The following RAPGEF5 variants were observed in gnomAD, a reference collection of about 807,000 sequenced individuals.
The protein encoded by RAPGEF5 is M-Ras-regulated GEF.
In RAPGEF5, 65 loss-of-function variants were observed where a neutral mutation model predicts 125.2. The ratio of observed to expected loss-of-function variants is 0.52; its 90% CI spans 0.43 to 0.64. The LOEUF (loss-of-function observed/expected upper bound fraction) is 0.64. RAPGEF5 is among the 30% of genes least tolerant of loss of function. The pLI, the probability that RAPGEF5 is intolerant of heterozygous loss-of-function variation, is 0.00. For missense variants in RAPGEF5, 958 were observed against 1,048.1 expected (o/e 0.91, Z 1.19); for synonymous variants, 391 against 385.9 (o/e 1.01, Z -0.16).
chr7:22,248,311 T>A (rs998756128), intron 7 of RAPGEF5, among the ~76,000 whole-genome samples: 7 of 152,202 alleles, frequency 4.6e-5, no homozygotes, highest in Admixed American at 4.6e-4. Context: ...GGAGGCCTGT[T>A]ATAAACAAAA....
intron 5 of RAPGEF5, among the ~76,000 whole-genome samples, chr7:22,300,286 C>T (rs1422027388): frequency 6.6e-6 from 1 of 152,164 alleles, no homozygotes; most frequent in African/African-American, 2.4e-5. Flanking sequence ...TCTAAAACTA[C>T]ATTTGGTTCT....
intron 9 of RAPGEF5, among the ~76,000 whole-genome samples, chr7:22,201,998 C>T (rs79578395): frequency 6.6e-6 from 1 of 152,244 alleles, no homozygotes; most frequent in Non-Finnish European, 1.5e-5. Flanking sequence ...AGTGGACAGA[C>T]ACTGTAAATC....
intron 7 of RAPGEF5, among the ~76,000 whole-genome samples, chr7:22,261,734 GAACA>G (rs1384658951): frequency 6.6e-6 from 1 of 152,116 alleles, no homozygotes; most frequent in African/African-American, 2.4e-5. Context: ...CAATGGAACA[GAACA>G]AAGAACTCAG....
rs183004742 is a variant in RAPGEF5, at chr7:22,175,978, C to T, written c.1205-8830G>A. 2.6e-5 allele frequency among the ~76,000 whole-genome samples: 4 copies of T among 151,876 alleles called. No individual in the cohort carries two copies. The East Asian group carries it at 5.8e-4, about 22-fold the overall frequency. On this transcript the variant is annotated intron_variant, in intron 11 of 25. Transcript: ENST00000665637. ...TTTACTTTTTTTTCATGTATTAGTA[C>T]GTTCTCATGCTGCTAATAAAGACGT...
intron 1 of RAPGEF5, among the ~76,000 whole-genome samples, chr7:22,323,670 T>C (rs1387376912): frequency 2.0e-5 from 3 of 152,208 alleles, no homozygotes; most frequent in Admixed American, 1.3e-4. Context: ...CATCCAGTCA[T>C]ACCTGGACTC....
intron 11 of RAPGEF5, among the ~76,000 whole-genome samples, chr7:22,182,685 G>C (rs986639768): frequency 1.3e-5 from 2 of 152,006 alleles, no homozygotes; most frequent in Non-Finnish European, 2.9e-5. Context: ...TAACTGAACT[G>C]GGAAATGATG....
intron 21 of RAPGEF5, among the ~76,000 whole-genome samples, chr7:22,138,721 T>C (rs1554316183): frequency 6.6e-6 from 1 of 152,266 alleles, no homozygotes; most frequent in Non-Finnish European, 1.5e-5. Context: ...CTGTCTGCTA[T>C]GGCACTGATG....
intron 25 of RAPGEF5, among the ~76,000 whole-genome samples, chr7:22,123,660 G>C (rs895204476): frequency 6.6e-6 from 1 of 152,144 alleles, no homozygotes; most frequent in African/African-American, 2.4e-5. Context: ...TAGAAACAAG[G>C]CTTCCTGGTT....
chr7:22,224,839 T>C (rs894551218), intron 8 of RAPGEF5, among the ~76,000 whole-genome samples: 3 of 151,002 alleles, frequency 2.0e-5, no homozygotes, highest in African/African-American at 4.8e-5. Context: ...GGTTTTCTTT[T>C]TTTTTTTTTT....
chr7:22,350,553 A>G (rs1480422439), intron 1 of RAPGEF5, among the ~76,000 whole-genome samples: 2 of 152,222 alleles, frequency 1.3e-5, no homozygotes, highest in Non-Finnish European at 2.9e-5. Context: ...TTACAGAGGA[A>G]GACACTGAGG....
chr7:22,154,564 A>G lies in RAPGEF5; in HGVS notation c.1677T>C (p.Ser559=). Residue 559 remains serine (S), a synonymous_variant, in exon 17 of 26, where the codon AGT becomes AGC. Transcript: ENST00000665637. Reference sequence around the variant, plus strand: ...CTATACTGGAAACTTTTGCCTTCACACTGACATAGGAGTGCTCTGTTATAT... The same window carrying G: ...CTATACTGGAAACTTTTGCCTTCACGCTGACATAGGAGTGCTCTGTTATAT... ...HVYITEHSYV[S]VKAKVSSIAQ... 1.9e-6 allele frequency: 3 copies of G among 1,613,894 alleles called. No homozygotes were observed. The highest frequency in any genetic ancestry group is 8.5e-7 in the Non-Finnish European group (1 of 1,179,804).
At chr7:22,151,299 C>A (rs1783617800) in intron 17 of RAPGEF5, among the ~76,000 whole-genome samples, 1 of 152,010 alleles carries the variant, frequency 6.6e-6, no homozygotes, top group African/African-American at 2.4e-5. Context: ...GACAGACACC[C>A]AGTATTAGAA....
chr7:22,186,273 A>G (rs551772836), intron 11 of RAPGEF5, among the ~76,000 whole-genome samples: 1 of 152,338 alleles, frequency 6.6e-6, no homozygotes, highest in Non-Finnish European at 1.5e-5. Context: ...TGATTTACCA[A>G]CTGGGGATAC....
At chr7:22,319,852 T>TA (rs369691074) in intron 1 of RAPGEF5, among the ~76,000 whole-genome samples, 2,309 of 139,488 alleles carry the variant, frequency 0.017, 48 homozygotes, top group African/African-American at 0.054. Context: ...AAACAAGGTC[T>TA]AAAAAAAAAA....
chr7:22,119,796 C>T lies in RAPGEF5; in HGVS notation c.*2610G>A, dbSNP rs1782530725. 1 of 152,168 alleles carries T rather than the reference C, an allele frequency of 6.6e-6. No homozygotes were observed. The highest frequency in any genetic ancestry group is 2.1e-4 in the South Asian group (1 of 4,830). 9.4% of individuals were successfully genotyped at this position (152,168 alleles called of 1,614,324 possible). On this transcript the variant is annotated 3_prime_UTR_variant, in exon 26 of 26. Coordinates refer to ENST00000665637, the MANE Select transcript of RAPGEF5 (RefSeq NM_012294.5). This position sits in a 1 kb window ranked among gnomAD's most constrained non-coding sequence, Gnocchi z 4.1. Reference sequence around the variant, plus strand: ...GCAAAGAGCTTAGCCATCTTCTAGACCACGCTTCTAGCCAGAACAAACCCT... The same window carrying T: ...GCAAAGAGCTTAGCCATCTTCTAGATCACGCTTCTAGCCAGAACAAACCCT...
At chr7:22,292,313 A>G (rs1216285721) in intron 5 of RAPGEF5, among the ~76,000 whole-genome samples, 1 of 152,212 alleles carries the variant, frequency 6.6e-6, no homozygotes, top group Non-Finnish European at 1.5e-5. Context: ...GTTTCTGTAA[A>G]TGTTATTAAA....
At chr7:22,292,440 T>G (rs1206279789) in intron 5 of RAPGEF5, among the ~76,000 whole-genome samples, 2 of 152,244 alleles carry the variant, frequency 1.3e-5, no homozygotes, top group Non-Finnish European at 1.5e-5. Context: ...TCAAATAACT[T>G]AAGCGCTCAT....
In RAPGEF5 at chr7:22,121,176, C is replaced by G. The variant is rs1337050281; in HGVS notation, c.*1230G>C. On this transcript the variant is annotated 3_prime_UTR_variant, in exon 26 of 26. Transcript: ENST00000665637. ...CAAGAGGTCTTATTTGCTACAGGAG[C>G]CTCAATTGGTAAAAATGGGAATAAT... 2 of 148,094 alleles carry G rather than the reference C, an allele frequency of 1.4e-5. No homozygotes were observed. Among genetic ancestry groups the G allele is most frequent in the Admixed American group, 1.4e-4 (2 of 14,736 alleles). The allele number at this position is 148,094 out of a possible 1,614,324, so 9.2% of individuals were successfully genotyped here. A position where few individuals can be genotyped will look rare whatever the true frequency, so the allele number is the denominator to read the frequency against.
intron 11 of RAPGEF5, among the ~76,000 whole-genome samples, chr7:22,177,098 CA>C (rs1165980765): frequency 1.3e-5 from 2 of 152,178 alleles, no homozygotes; most frequent in Non-Finnish European, 2.9e-5. Flanking sequence ...GTTTGGTCAG[CA>C]ACCATTTACT....
Sources: allele counts gnomAD v4.1 joint callset (sites outside exome capture counted in the v4.1 genomes callset), GRCh38; gene constraint gnomAD v4.1.1; non-coding constraint Gnocchi (gnomAD v3.1); transcripts MANE v1.5; gene names NCBI Gene and HGNC (gene_info 2026-07-23, HGNC 2026-07-21).